The following BMP6 variants were observed in gnomAD, a reference collection of about 807,000 sequenced individuals.
The protein encoded by BMP6 is VG-1-R.
BMP6 carries 17 observed loss-of-function variants against 54.1 expected under a neutral mutation model. The observed-to-expected ratio is 0.31, with a 90% CI of 0.22 to 0.47. The LOEUF (loss-of-function observed/expected upper bound fraction) is 0.47. Ranked by LOEUF, BMP6 falls within the 20% of genes least tolerant of loss-of-function variation. The pLI is 1.00. For synonymous variants in BMP6, 328 were observed against 291.2 expected, an observed-to-expected ratio of 1.13 and a Z score of -1.28; for missense variants, 720 against 690.4, an observed-to-expected ratio of 1.04 and a Z score of -0.48.
chr6:7,762,924 C>T (rs944645555), intron 1 of BMP6, among the ~76,000 whole-genome samples: 6 of 152,222 alleles, frequency 3.9e-5, no homozygotes, highest in Admixed American at 6.5e-5. Context: ...TTTGCAATGA[C>T]GGTATCCTGG....
chr6:7,729,831 T>C (rs1761820235), intron 1 of BMP6, among the ~76,000 whole-genome samples: 1 of 152,182 alleles, frequency 6.6e-6, no homozygotes, highest in Admixed American at 6.5e-5. Flanking sequence ...TGGCACTCCA[T>C]ATCAAATCAG....
chr6:7,878,133 A>G (rs1759650996), intron 4 of BMP6, among the ~76,000 whole-genome samples: 1 of 152,030 alleles, frequency 6.6e-6, no homozygotes, highest in Non-Finnish European at 1.5e-5. Context: ...CTGAAGGGAC[A>G]TTTGCCTATG....
chr6:7,847,308 G>A (rs191485864), intron 2 of BMP6, among the ~76,000 whole-genome samples: 125 of 152,284 alleles, frequency 8.2e-4, no homozygotes, highest in Non-Finnish European at 1.4e-3. Flanking sequence ...AACTGGGAGA[G>A]TTTCATGCTT....
intron 2 of BMP6, among the ~76,000 whole-genome samples, chr6:7,853,397 T>C (rs1239502496): frequency 6.6e-6 from 1 of 152,320 alleles, no homozygotes; most frequent in East Asian, 1.9e-4. Context: ...CGGGACCCAA[T>C]GTTGATCCAT....
At chr6:7,827,719 C>T (rs921728574) in intron 1 of BMP6, among the ~76,000 whole-genome samples, 10 of 152,188 alleles carry the variant, frequency 6.6e-5, no homozygotes, top group African/African-American at 2.2e-4. Context: ...TTTCTTGCCC[C>T]ACTTGTTAAT....
intron 1 of BMP6, among the ~76,000 whole-genome samples, chr6:7,736,309 G>T (rs1761954853): frequency 6.6e-6 from 1 of 152,174 alleles, no homozygotes; most frequent in African/African-American, 2.4e-5. Flanking sequence ...GTAAAATAAA[G>T]AAGCCTGAAG....
chr6:7,757,373 C>G (rs1478627159), intron 1 of BMP6, among the ~76,000 whole-genome samples: 1 of 152,134 alleles, frequency 6.6e-6, no homozygotes, highest in Non-Finnish European at 1.5e-5. Flanking sequence ...GCTGGCAATC[C>G]TTGTCTTGTA....
intron 1 of BMP6, among the ~76,000 whole-genome samples, chr6:7,809,856 A>C (rs1758410084): frequency 1.3e-5 from 2 of 152,170 alleles, no homozygotes; most frequent in South Asian, 4.2e-4. Flanking sequence ...CTAGGGAACA[A>C]AACATTATCA....
chr6:7,855,692 C>G (rs1298823376), intron 2 of BMP6, among the ~76,000 whole-genome samples: 1 of 150,808 alleles, frequency 6.6e-6, no homozygotes, highest in Admixed American at 6.6e-5. Context: ...CCATGCCCAG[C>G]TAAATTTTTT....
At position 7,777,240 on chromosome 6, in the gene BMP6, G is replaced by A. The variant is rs185700281; in HGVS notation, c.664+49621G>A. ...GTCAGAGGTGCTGGCTGAGTCATTC[G>A]GATTAGCCCTAGTGGTGGCAGGTGG... On this transcript the variant is annotated intron_variant, in intron 1 of 6. Coordinates refer to ENST00000283147, the MANE Select transcript of BMP6 (RefSeq NM_001718.6). 6.6e-5 allele frequency among the ~76,000 whole-genome samples: 10 copies of A among 152,314 alleles called. No homozygotes were observed. In the East Asian group the frequency reaches 9.6e-4, roughly 15 times the overall value.
chr6:7,778,158 T>G (rs1196251720), intron 1 of BMP6, among the ~76,000 whole-genome samples: 1 of 152,024 alleles, frequency 6.6e-6, no homozygotes, highest in Non-Finnish European at 1.5e-5. Flanking sequence ...GGGAGAGGTG[T>G]GTCATAAAAG....
At chr6:7,855,396 C>T (rs557365928) in intron 2 of BMP6, among the ~76,000 whole-genome samples, 2 of 152,096 alleles carry the variant, frequency 1.3e-5, no homozygotes, top group East Asian at 3.9e-4. Flanking sequence ...GTGTTAAGCC[C>T]CCGCAGGGGA....
intron 1 of BMP6, among the ~76,000 whole-genome samples, chr6:7,744,029 A>G (rs147629863): frequency 3.3e-5 from 5 of 152,346 alleles, no homozygotes; most frequent in African/African-American, 9.6e-5. Flanking sequence ...ATTTCAACAT[A>G]TGGAAAAAGG....
At chr6:7,878,986 C>T (rs1759666838) in intron 4 of BMP6, 88 bp from the exon 5 acceptor site, 1 of 1,321,702 alleles carries the variant, frequency 7.6e-7, no homozygotes, top group Non-Finnish European at 1.1e-6. Flanking sequence ...TAGCACAGAG[C>T]CTGGCATGTG....
intron 1 of BMP6, among the ~76,000 whole-genome samples, chr6:7,836,584 G>A (rs1051030918): frequency 1.8e-4 from 27 of 152,234 alleles, no homozygotes; most frequent in African/African-American, 5.8e-4. Flanking sequence ...AAGGGTGCAT[G>A]GGGCTTCTCT....
intron 2 of BMP6, among the ~76,000 whole-genome samples, chr6:7,859,803 G>A (rs907609444): frequency 4.6e-5 from 7 of 152,066 alleles, no homozygotes; most frequent in African/African-American, 9.7e-5. Context: ...GTGGCCTCCC[G>A]CAGACTCTGT....
chr6:7,785,129 C>G (rs1274858310), intron 1 of BMP6, among the ~76,000 whole-genome samples: 1 of 152,136 alleles, frequency 6.6e-6, no homozygotes, highest in Non-Finnish European at 1.5e-5. Context: ...GGTAGTACAC[C>G]AGATAGCTTT....
chr6:7,772,886 C>G (rs1053519826), intron 1 of BMP6, among the ~76,000 whole-genome samples: 1 of 152,166 alleles, frequency 6.6e-6, no homozygotes, highest in African/African-American at 2.4e-5. Context: ...AACATTTGAT[C>G]TGATTACTTT....
chr6:7,749,515 CAA>C (rs1757391473), intron 1 of BMP6, among the ~76,000 whole-genome samples: 2 of 152,156 alleles, frequency 1.3e-5, no homozygotes, highest in African/African-American at 4.8e-5. Context: ...AATTACTGCT[CAA>C]AATCAATAAT....
Sources: allele counts gnomAD v4.1 joint callset (sites outside exome capture counted in the v4.1 genomes callset), GRCh38; gene constraint gnomAD v4.1.1; transcripts MANE v1.5; gene names NCBI Gene and HGNC (gene_info 2026-07-23, HGNC 2026-07-21).